Variants in PCGF3 observed in about 807,000 individuals in gnomAD.
PCGF3 encodes the protein polycomb group RING finger protein 3.
Under a neutral mutation model 33.1 loss-of-function variants are expected in PCGF3, and 7 were observed. That is an observed-to-expected ratio of 0.21 (90% CI 0.12 to 0.40). The LOEUF (loss-of-function observed/expected upper bound fraction) is 0.40, where lower values mean the gene tolerates loss of function less well. PCGF3 is among the 10% of genes least tolerant of loss of function. The probability of loss-of-function intolerance (pLI) is 1.00; values close to 1 mark genes in which losing one functional copy is unlikely to be tolerated. For missense variants in PCGF3, 211 were observed against 313.3 expected (o/e 0.67, Z 2.46); for synonymous variants, 153 against 121.3 (o/e 1.26, Z -1.72).
chr4:710,854 G>T (rs1055724864), intron 1 of PCGF3, among the ~76,000 whole-genome samples: 1 of 152,152 alleles, frequency 6.6e-6, no homozygotes, highest in Non-Finnish European at 1.5e-5. Flanking sequence ...TTTTCTTCCT[G>T]CCAGTGATTT....
intron 1 of PCGF3, among the ~76,000 whole-genome samples, chr4:708,694 C>G (rs997104742): frequency 4.6e-5 from 7 of 152,210 alleles, no homozygotes; most frequent in African/African-American, 1.7e-4. Flanking sequence ...CACCTTCAAC[C>G]CCTCCTGCCC....
intron 6 of PCGF3, among the ~76,000 whole-genome samples, chr4:740,154 G>T (rs1352375384): frequency 6.6e-6 from 1 of 152,260 alleles, no homozygotes; most frequent in African/African-American, 2.4e-5. Context: ...CGCGTTAGCT[G>T]CGAGGATGCA....
exon 7 of PCGF3, chr4:743,579 G>A (rs746754950): frequency 1.1e-5 from 17 of 1,588,440 alleles, no homozygotes; most frequent in Admixed American, 3.3e-5. Context: ...GATTCCCATC[G>A]GAATGGTGAG....
intron 3 of PCGF3, 155 bp downstream of exon 3, chr4:731,265 TGA>T (rs1743544587): frequency 7.5e-6 from 3 of 398,188 alleles, no homozygotes; most frequent in Non-Finnish European, 1.3e-5. Context: ...GCCCCTCCTG[TGA>T]GAGTCCAAGG....
intron 8 of PCGF3, among the ~76,000 whole-genome samples, chr4:758,219 C>T (rs993983995): frequency 2.0e-5 from 3 of 151,574 alleles, no homozygotes; most frequent in African/African-American, 7.3e-5. Flanking sequence ...AGTCTGTGCC[C>T]CTCCCTGCAC....
At chr4:735,088 T>C (rs1448201304) in intron 5 of PCGF3, 61 bp downstream of exon 5, 1 of 1,551,244 alleles carries the variant, frequency 6.4e-7, no homozygotes, top group Non-Finnish European at 8.8e-7. Flanking sequence ...CGTCTCTGTG[T>C]GTGGGCCTTC....
chr4:707,891 A>G lies in PCGF3; in HGVS notation c.-190+1921A>G, dbSNP rs1291373628. ...TTTTCACCTGGGGGTCGGGACCCTG[A>G]GACAGCCCTGTTTTCCCCTGGGGGT... is the stretch of plus-strand genomic sequence containing the variant. On this transcript the variant is annotated intron_variant, in intron 1 of 10. Transcript: ENST00000362003. 8.0e-4 allele frequency among the ~76,000 whole-genome samples: 57 copies of G among 70,970 alleles called. 2 individuals are homozygous for G. Among genetic ancestry groups the G allele is most frequent in the African/African-American group, 1.5e-3 (28 of 18,422 alleles). The allele number at this position is 70,970 out of a possible 152,430, so 46.6% of individuals were successfully genotyped here.
intron 6 of PCGF3, among the ~76,000 whole-genome samples, chr4:740,357 T>A (rs990358539): frequency 3.9e-5 from 6 of 152,254 alleles, no homozygotes; most frequent in Non-Finnish European, 5.9e-5. Context: ...AGTGGTTTGT[T>A]GTTTCTTTTT....
intron 4 of PCGF3, chr4:734,165 G>C (rs1248789772): frequency 1.3e-6 from 2 of 1,505,952 alleles, no homozygotes; most frequent in South Asian, 2.4e-5. Context: ...CACCTGATGT[G>C]CGTCCTCACA....
chr4:764,650 TA>T (rs1451672318), intron 9 of PCGF3: 18 of 245,254 alleles, frequency 7.3e-5, no homozygotes, highest in Non-Finnish European at 1.3e-4. Context: ...GCAGGCCAGA[TA>T]GGGGCGGGAT....
intron 1 of PCGF3, among the ~76,000 whole-genome samples, chr4:728,346 G>T (rs1276686449): frequency 6.6e-6 from 1 of 151,978 alleles, no homozygotes; most frequent in Non-Finnish European, 1.5e-5. Flanking sequence ...TCTGGGGATG[G>T]CGTAGAGTGC....
At chr4:735,378 CT>C (rs1238073519) in intron 5 of PCGF3, among the ~76,000 whole-genome samples, 1 of 152,228 alleles carries the variant, frequency 6.6e-6, no homozygotes. Flanking sequence ...GAAACCCCAT[CT>C]CTACTAAAAG....
intron 4 of PCGF3, 86 bp from the exon 5 acceptor site, chr4:734,845 A>G: frequency 6.6e-7 from 1 of 1,522,500 alleles, no homozygotes; most frequent in African/African-American, 1.4e-5. Context: ...ACGAGCTCAG[A>G]GACGCCCGTG....
intron 9 of PCGF3, chr4:761,995 A>G (rs2152622650): frequency 1.0e-6 from 1 of 985,290 alleles, no homozygotes; most frequent in East Asian, 1.1e-4. Flanking sequence ...GCTGTGCAGA[A>G]ATGGACGCAG....
At chr4:743,293 G>A (rs921314798) in intron 6 of PCGF3, among the ~76,000 whole-genome samples, 181 bp from the exon 7 acceptor site, 4 of 152,172 alleles carry the variant, frequency 2.6e-5, no homozygotes, top group Non-Finnish European at 4.4e-5. Flanking sequence ...GTGCCCGGGG[G>A]GTGCGCTTCC....
At position 728,661 on chromosome 4, in the gene PCGF3, T is replaced by C. The variant is rs890894242; in HGVS notation, c.-189-1969T>C. 2.0e-5 allele frequency among the ~76,000 whole-genome samples: 3 copies of C among 152,250 alleles called. No homozygotes were observed. The South Asian group carries it at 6.2e-4, about 32-fold the overall frequency. ...ATTGACCTGTTTGTTAGTTATTGTC[T>C]GTCTTCCTTCATTAGAATGCTGGCT... On this transcript the variant is annotated intron_variant, in intron 1 of 10. Transcript: ENST00000362003.
Position 720,497 on chromosome 4 carries a change from G to A in PCGF3, c.-189-10133G>A, listed in dbSNP as rs1014308652. On this transcript the variant is annotated intron_variant, in intron 1 of 10. Transcript: ENST00000362003. The surrounding 1 kb of genome is among the most constrained non-coding windows in gnomAD (Gnocchi z 5.6). ...GCTGGCCCACCCGTGAGTGGGTAGG[G>A]CCTCCTGCCAGGGAGCCTTGTGCAT... is the stretch of plus-strand genomic sequence containing the variant. 6.6e-6 allele frequency among the ~76,000 whole-genome samples: 1 copy of A among 152,214 alleles called. No individual in the cohort carries two copies. Among genetic ancestry groups the A allele is most frequent in the African/African-American group, 2.4e-5 (1 of 41,452 alleles).
intron 1 of PCGF3, among the ~76,000 whole-genome samples, chr4:719,863 C>A (rs541142046): frequency 1.3e-5 from 2 of 152,270 alleles, no homozygotes; most frequent in African/African-American, 4.8e-5. Flanking sequence ...TAGCCCAGCT[C>A]CTCCCTTGGC....
chr4:757,289 C>T (rs1385215550), intron 8 of PCGF3: 1 of 152,268 alleles, frequency 6.6e-6, no homozygotes, highest in Non-Finnish European at 1.5e-5. Context: ...ACCCCGCTGC[C>T]TCAGACCTGT....
Sources: gnomAD v4.1 joint callset for allele counts (sites outside exome capture counted in the v4.1 genomes callset) on GRCh38, gnomAD v4.1.1 for gene constraint, Gnocchi (gnomAD v3.1) non-coding constraint, MANE v1.5 for transcripts, NCBI Gene and HGNC (gene_info 2026-07-23, HGNC 2026-07-21) for gene names.